The following RBM34 variants were observed in gnomAD, a reference collection of about 807,000 sequenced individuals.
RBM34 encodes the protein RNA-binding protein 34.
In RBM34, 39 loss-of-function variants were observed where a neutral mutation model predicts 44.6. The observed-to-expected ratio is 0.87, with a 90% CI of 0.68 to 1.14. The LOEUF (loss-of-function observed/expected upper bound fraction) is 1.14. RBM34 is among the 50% of genes most tolerant of loss of function. RBM34 has a pLI of 0.00. For missense variants in RBM34, 572 were observed against 517.9 expected (o/e 1.10, Z -1.01); for synonymous variants, 194 against 184.0 (o/e 1.05, Z -0.44).
rs184349413 is a variant in RBM34 at position 235,160,897 on chromosome 1, G to C, written c.224C>G (p.Pro75Arg). 6.2e-7 allele frequency: 1 copy of C among 1,613,742 alleles called. No individual in the cohort carries two copies. The highest frequency in any genetic ancestry group is 8.5e-7 in the Non-Finnish European group (1 of 1,179,884). Reference protein sequence around the residue: ...PQIQPVYVPVPKQTIKKTKRN... With the variant: ...PQIQPVYVPVRKQTIKKTKRN... ...GAAGAAAGCCCAGTGACTTACTTTA[G>C]GCACAGGCACGTACACGGGTTGAAT... Residue 75 changes from proline to arginine, a missense_variant, in exon 2 of 11, where the codon CCT becomes CGT. By Grantham distance (103) the Pro-to-Arg change is moderately radical. Transcript: ENST00000408888.
chr1:235,153,675 C>A (rs1394436512), intron 4 of RBM34, among the ~76,000 whole-genome samples: 1 of 152,180 alleles, frequency 6.6e-6, no homozygotes. Flanking sequence ...ATCCGCCCGC[C>A]TTGGCCTTCC....
rs774418286 is a variant in RBM34 at position 235,160,153 on chromosome 1, G to A, written c.365+358C>T. ...CCTGTAGTCCCACCTACTCAGGGCC[G>A]AGGCAGGAGAATCGCTTGAACCTGG... On this transcript the variant is annotated intron_variant, in intron 3 of 10. Coordinates refer to ENST00000408888, the MANE Select transcript of RBM34 (RefSeq NM_015014.4). 254 of 402,088 alleles carry A rather than the reference G, an allele frequency of 6.3e-4. 3 individuals carry two copies. The highest frequency in any genetic ancestry group is 1.3e-4 in the Non-Finnish European group (27 of 204,286). The allele number at this position is 402,088 out of a possible 1,614,324, so 24.9% of individuals were successfully genotyped here.
At chr1:235,161,127 G>A (rs146031528) in intron 1 of RBM34, 47 bp downstream of exon 1, 2 of 1,604,082 alleles carry the variant, frequency 1.2e-6, no homozygotes, top group African/African-American at 1.3e-5. Flanking sequence ...CAGCACGAGG[G>A]AACGTACAAC....
chr1:235,133,154 A>C (rs1000288295), intron 10 of RBM34, among the ~76,000 whole-genome samples: 3 of 152,100 alleles, frequency 2.0e-5, no homozygotes, highest in African/African-American at 7.2e-5. Context: ...CCAGCCTGAG[A>C]AACATGGTGA....
At chr1:235,139,541 C>G (rs1661585621) in intron 6 of RBM34, among the ~76,000 whole-genome samples, 1 of 152,164 alleles carries the variant, frequency 6.6e-6, no homozygotes, top group South Asian at 2.1e-4. Flanking sequence ...CTCTAGAGCC[C>G]TGCTCTTCAC....
intron 3 of RBM34, among the ~76,000 whole-genome samples, chr1:235,158,067 A>G (rs1176605112): frequency 9.1e-6 from 1 of 109,588 alleles, no homozygotes; most frequent in Non-Finnish European, 2.0e-5. Context: ...TTTGGCGGTT[A>G]GGGGGAATGT....
chr1:235,158,394 C>A (rs192729025), intron 3 of RBM34, among the ~76,000 whole-genome samples: 11 of 147,416 alleles, frequency 7.5e-5, no homozygotes, highest in Admixed American at 6.2e-4. Context: ...CCAGCCTGGG[C>A]GACAACAGTG....
At chr1:235,141,560 C>CA (rs1208338267) in intron 6 of RBM34, among the ~76,000 whole-genome samples, 5 of 152,188 alleles carry the variant, frequency 3.3e-5, no homozygotes. Context: ...CCCTAGCCAG[C>CA]AGTGGCAAGC....
At chr1:235,146,282 A>G (rs1351972398) in intron 6 of RBM34, among the ~76,000 whole-genome samples, 1 of 152,126 alleles carries the variant, frequency 6.6e-6, no homozygotes, top group Admixed American at 6.6e-5. Context: ...GACTGGGAAA[A>G]AACTTTATGT....
At chr1:235,149,192 T>A (rs995282013) in intron 5 of RBM34, among the ~76,000 whole-genome samples, 5 of 151,554 alleles carry the variant, frequency 3.3e-5, no homozygotes, top group Non-Finnish European at 7.4e-5. Context: ...GTTGAGACCA[T>A]CCTGGCTAAC....
chr1:235,158,121 A>C (rs1386691633), intron 3 of RBM34, among the ~76,000 whole-genome samples: 1 of 152,134 alleles, frequency 6.6e-6, no homozygotes, highest in African/African-American at 2.4e-5. Flanking sequence ...TATTAGCAGA[A>C]AGAGGGATAA....
chr1:235,151,200 C>T (rs552892769), intron 5 of RBM34, among the ~76,000 whole-genome samples: 87 of 152,266 alleles, frequency 5.7e-4, no homozygotes, highest in Admixed American at 1.4e-3. Flanking sequence ...GTGGCAAACA[C>T]TAGCATGGGT....
intron 6 of RBM34, among the ~76,000 whole-genome samples, chr1:235,140,922 T>G (rs562361545): frequency 2.0e-5 from 3 of 152,130 alleles, no homozygotes; most frequent in Non-Finnish European, 4.4e-5. Flanking sequence ...GCTCAGGGAT[T>G]GTAAATACAC....
At chr1:235,156,879 C>T (rs1387276802) in intron 3 of RBM34, among the ~76,000 whole-genome samples, 2 of 152,186 alleles carry the variant, frequency 1.3e-5, no homozygotes, top group East Asian at 3.8e-4. Context: ...AGCTATAATA[C>T]ATGGTATGCA....
chr1:235,155,264 T>C, intron 3 of RBM34, 152 bp from the exon 4 acceptor site: 1 of 669,552 alleles, frequency 1.5e-6, no homozygotes. Flanking sequence ...ATCAAAATTT[T>C]TAGAGCAGCG....
intron 6 of RBM34, among the ~76,000 whole-genome samples, chr1:235,143,544 T>C (rs1012174495): frequency 6.6e-6 from 1 of 152,216 alleles, no homozygotes; most frequent in Non-Finnish European, 1.5e-5. Context: ...TAGACCAGCC[T>C]GGCCAACATG....
At chr1:235,144,569 T>C (rs1661825870) in intron 6 of RBM34, among the ~76,000 whole-genome samples, 1 of 149,722 alleles carries the variant, frequency 6.7e-6, no homozygotes, top group Admixed American at 6.6e-5. Flanking sequence ...CATGGCAAAA[T>C]TTCCCATAAG....
chr1:235,152,456 T>C, intron 5 of RBM34: 1 of 1,166,876 alleles, frequency 8.6e-7, no homozygotes, highest in Non-Finnish European at 1.1e-6. Flanking sequence ...AAGTCACCCA[T>C]CCACCCTCCA....
chr1:235,152,682 A>T, intron 5 of RBM34, 24 bp downstream of exon 5: 1 of 1,595,182 alleles, frequency 6.3e-7, no homozygotes, highest in South Asian at 1.1e-5. Context: ...ATATTATGTA[A>T]TTTTACGGGG....
Sources: gnomAD v4.1 joint callset for allele counts (sites outside exome capture counted in the v4.1 genomes callset) on GRCh38, gnomAD v4.1.1 for gene constraint, MANE v1.5 for transcripts, NCBI Gene and HGNC (gene_info 2026-07-23, HGNC 2026-07-21) for gene names.